Variants in LAMP2 observed in about 807,000 individuals in gnomAD.
LAMP2 encodes the protein lysosome associated membrane protein 2.
Under a neutral mutation model 25.6 loss-of-function variants are expected in LAMP2, and 4 were observed. The ratio of observed to expected loss-of-function variants is 0.16; its 90% CI spans 0.08 to 0.36. The LOEUF (loss-of-function observed/expected upper bound fraction) is 0.36. Ranked by LOEUF, LAMP2 falls within the 10% of genes least tolerant of loss-of-function variation. LAMP2 has a pLI of 1.00. For synonymous variants in LAMP2, 108 were observed against 112.7 expected, an observed-to-expected ratio of 0.96 and a Z score of 0.27; for missense variants, 272 against 301.4, an observed-to-expected ratio of 0.90 and a Z score of 0.72.
At chrX:120,436,034 T>G (rs753999631) in intron 8 of LAMP2, among the ~76,000 whole-genome samples, 1 of 110,283 alleles carries the variant, frequency 9.1e-6, no homozygotes, top group Non-Finnish European at 1.9e-5. Context: ...TTGAGAAAAG[T>G]GTACAAAGAG....
intron 8 of LAMP2, chrX:120,437,260 TAAAAATACCC>T (rs1452579322): frequency 2.7e-6 from 2 of 727,473 alleles, no homozygotes; most frequent in Admixed American, 1.9e-4. Context: ...TATATTGTTA[TAAAAATACCC>T]ATGCTAGCAT....
intron 8 of LAMP2, among the ~76,000 whole-genome samples, chrX:120,435,084 C>T (rs2058537534): frequency 9.0e-6 from 1 of 111,454 alleles, no homozygotes; most frequent in Non-Finnish European, 1.9e-5. Flanking sequence ...GAGCTGAGAT[C>T]ACACCACTAT....
chrX:120,456,594 TA>T (rs1044696730), intron 2 of LAMP2, 56 bp downstream of exon 2: 3 of 589,320 alleles, frequency 5.1e-6, no homozygotes, highest in Admixed American at 2.7e-5. Context: ...ATCTAAAGGA[TA>T]AAGTCAATTA....
rs2058544653 is a variant in LAMP2 at position 120,436,354 on chromosome X, T to TA, written c.1094-4893dup. 1.2e-5 allele frequency: 3 copies of TA among 248,747 alleles called. No homozygotes were observed. The South Asian group carries it at 6.0e-4, about 49-fold the overall frequency. The allele number at this position is 248,747 out of a possible 1,213,427, so 20.5% of individuals were successfully genotyped here. A position where few individuals can be genotyped will look rare whatever the true frequency, so the allele number is the denominator to read the frequency against. ...GGGACTATTCTTCCAGATGGTAATA[T>TA]ACAGACAGAACATCAGAACATTTTG... On this transcript the variant is annotated intron_variant, in intron 8 of 8. Coordinates refer to ENST00000200639, the MANE Select transcript of LAMP2 (RefSeq NM_002294.3).
At chrX:120,446,148 C>G (rs2058594930) in intron 6 of LAMP2, among the ~76,000 whole-genome samples, 157 bp downstream of exon 6, 1 of 111,001 alleles carries the variant, frequency 9.0e-6, no homozygotes, top group African/African-American at 3.3e-5. Context: ...TGCACAGACT[C>G]TGAGGGATGA....
chrX:120,454,046 G>T (rs2058633515), intron 3 of LAMP2, among the ~76,000 whole-genome samples: 1 of 110,845 alleles, frequency 9.0e-6, no homozygotes, highest in African/African-American at 3.3e-5. Flanking sequence ...ATTCAATGGA[G>T]AATTCCAAAA....
At chrX:120,452,713 C>CTTTTT (rs768340777) in intron 3 of LAMP2, among the ~76,000 whole-genome samples, 3 of 67,691 alleles carry the variant, frequency 4.4e-5, no homozygotes, top group African/African-American at 6.7e-5. Context: ...CCACACCTGG[C>CTTTTT]TTTTTTTTTT....
intron 7 of LAMP2, 113 bp downstream of exon 7, chrX:120,442,486 C>T (rs1457813647): frequency 3.1e-6 from 2 of 638,868 alleles, no homozygotes; most frequent in Non-Finnish European, 5.3e-6. Flanking sequence ...ACACTTTTTA[C>T]ATAGCATCTT....
intron 1 of LAMP2, among the ~76,000 whole-genome samples, chrX:120,464,083 A>T (rs1336393537): frequency 9.0e-6 from 1 of 111,041 alleles, no homozygotes; most frequent in Non-Finnish European, 1.9e-5. Flanking sequence ...AGAAAACCTA[A>T]CTTTGTGAAA....
At chrX:120,431,761 T>G (rs2058524145) in intron 8 of LAMP2, among the ~76,000 whole-genome samples, 1 of 112,325 alleles carries the variant, frequency 8.9e-6, no homozygotes, top group Admixed American at 9.4e-5. Flanking sequence ...CAAATCTAAT[T>G]AGCCTTGCCT....
chrX:120,451,599 G>T (rs1022127106), intron 3 of LAMP2, among the ~76,000 whole-genome samples: 2 of 110,809 alleles, frequency 1.8e-5, no homozygotes, highest in Non-Finnish European at 3.8e-5. Flanking sequence ...TGAGTAGCTG[G>T]GATTACAGGC....
In LAMP2 at chrX:120,441,918, G is replaced by A. The variant is rs1488945470; in HGVS notation, c.929-24C>T. 9 of 1,183,137 alleles carry A rather than the reference G, an allele frequency of 7.6e-6. No homozygotes were observed. In the Admixed American group the frequency reaches 2.0e-4, roughly 26 times the overall value. On this transcript the variant is annotated intron_variant, in intron 7 of 8. Transcript: ENST00000200639. ...AACTTCAAAGAAAAGAAACAGGTTA[G>A]TAACTTCTTATCCTATCAACATCAA...
intron 1 of LAMP2, among the ~76,000 whole-genome samples, chrX:120,462,288 A>AG (rs1020594384): frequency 4.5e-5 from 5 of 110,543 alleles, no homozygotes; most frequent in Admixed American, 9.7e-5. Flanking sequence ...TGGGAGGCCA[A>AG]GGGGGGCAGA....
chrX:120,438,642 G>C (rs2058556289), intron 8 of LAMP2: 1 of 754,343 alleles, frequency 1.3e-6, no homozygotes, highest in Non-Finnish European at 1.6e-6. Flanking sequence ...TCTCTCAAAG[G>C]TCAAATATGC....
At chrX:120,458,551 T>C in intron 1 of LAMP2, among the ~76,000 whole-genome samples, 1 of 111,762 alleles carries the variant, frequency 8.9e-6, no homozygotes, top group Non-Finnish European at 1.9e-5. Flanking sequence ...TTCCATTCCC[T>C]TCACAGCCTT....
intron 3 of LAMP2, among the ~76,000 whole-genome samples, chrX:120,451,567 C>T (rs977950223): frequency 3.6e-5 from 4 of 111,118 alleles, no homozygotes; most frequent in African/African-American, 6.6e-5. Context: ...CAGGTTAAAG[C>T]GATTCTCCTG....
chrX:120,428,439 G>T lies in LAMP2; in HGVS notation c.*2884C>A, dbSNP rs376318727. The T allele has an allele frequency of 5.3e-6, 6 of 1,137,639 alleles. No homozygotes were observed. Among genetic ancestry groups the T allele is most frequent in the South Asian group, 2.3e-5 (1 of 43,697 alleles). The allele number at this position is 1,137,639 out of a possible 1,213,427, so 93.8% of individuals were successfully genotyped here. A position where few individuals can be genotyped will look rare whatever the true frequency, so the allele number is the denominator to read the frequency against. On this transcript the variant is annotated 3_prime_UTR_variant, in exon 9 of 9. Coordinates refer to ENST00000200639, the MANE Select transcript of LAMP2 (RefSeq NM_002294.3). Reference sequence around the variant, plus strand: ...GTCCTGGCTTTTAGCCAATGGAAACGTAACTTCTAATTGAAAAAAACAAAC... The same window carrying T: ...GTCCTGGCTTTTAGCCAATGGAAACTTAACTTCTAATTGAAAAAAACAAAC...
intron 8 of LAMP2, chrX:120,437,598 G>A: frequency 1.3e-6 from 1 of 748,296 alleles, no homozygotes; most frequent in Non-Finnish European, 1.6e-6. Context: ...TAAACATTAG[G>A]TGGTACACGG....
At position 120,431,014 on chromosome X, in the gene LAMP2, T is replaced by C; in HGVS notation, c.*309A>G. 1.1e-6 allele frequency: 1 copy of C among 895,765 alleles called. No individual in the cohort carries two copies. The highest frequency in any genetic ancestry group is 1.4e-6 in the Non-Finnish European group (1 of 724,238). 73.8% of individuals were successfully genotyped at this position (895,765 alleles called of 1,213,427 possible). A position where few individuals can be genotyped will look rare whatever the true frequency, so the allele number is the denominator to read the frequency against. On this transcript the variant is annotated 3_prime_UTR_variant, in exon 9 of 9. Coordinates refer to ENST00000200639, the MANE Select transcript of LAMP2 (RefSeq NM_002294.3). The stretch of plus-strand genomic sequence containing the variant: ...TTCTTATAATGGCCATGTTAATAAG[T>C]TCAAGGCATACTTCAAGGTTAGGAT...
Sources: allele counts gnomAD v4.1 joint callset (sites outside exome capture counted in the v4.1 genomes callset), GRCh38; gene constraint gnomAD v4.1.1; transcripts MANE v1.5; gene names NCBI Gene and HGNC (gene_info 2026-07-23, HGNC 2026-07-21).